GPBP1: variants seen among roughly 807,000 people sequenced by gnomAD.
GPBP1 encodes the protein vasculin.
GPBP1 carries 13 observed loss-of-function variants against 56.5 expected under a neutral mutation model. The ratio of observed to expected loss-of-function variants is 0.23; its 90% CI spans 0.15 to 0.37. GPBP1 has a LOEUF of 0.37. Among genes scored for constraint, GPBP1 ranks in the 10% least tolerant of loss-of-function variants. The pLI is 1.00. For missense variants in GPBP1, 477 were observed against 572.3 expected (o/e 0.83, Z 1.70); for synonymous variants, 204 against 188.9 (o/e 1.08, Z -0.66).
At chr5:57,177,713 C>T (rs902468906) in intron 2 of GPBP1, among the ~76,000 whole-genome samples, 1 of 128,874 alleles carries the variant, frequency 7.8e-6, no homozygotes, top group Non-Finnish European at 1.5e-5. Flanking sequence ...GTTGGTCAGG[C>T]TAGCCTCGAA....
chr5:57,247,402 A>G (rs1384114154), intron 8 of GPBP1, among the ~76,000 whole-genome samples, 187 bp downstream of exon 8: 3 of 152,206 alleles, frequency 2.0e-5, no homozygotes, highest in Non-Finnish European at 4.4e-5. Flanking sequence ...CATTTAAAAT[A>G]TTTTAAATGA....
intron 2 of GPBP1, among the ~76,000 whole-genome samples, chr5:57,177,942 TAG>T (rs1234353962): frequency 6.6e-6 from 1 of 152,080 alleles, no homozygotes; most frequent in East Asian, 1.9e-4. Flanking sequence ...AAATGTAAAA[TAG>T]AGTTTTTTTT....
chr5:57,176,110 A>G lies in GPBP1; in HGVS notation c.-348A>G, dbSNP rs1753780320. On this transcript the variant is annotated 5_prime_UTR_variant, in exon 2 of 12. Transcript: ENST00000506184. ...TTTTGCTTTTTGGCTCGTAAATTGGATATTTCATCTGGAGTGGACAAGTAC... is the reference window on the plus strand; with the variant it reads ...TTTTGCTTTTTGGCTCGTAAATTGGGTATTTCATCTGGAGTGGACAAGTAC... The G allele has an allele frequency of 1.5e-5, 6 of 397,972 alleles. No homozygotes were observed. Among genetic ancestry groups the G allele is most frequent in the Non-Finnish European group, 8.9e-6 (2 of 225,778 alleles). 24.7% of individuals were successfully genotyped at this position (397,972 alleles called of 1,614,324 possible). A position where few individuals can be genotyped will look rare whatever the true frequency, so the allele number is the denominator to read the frequency against.
intron 2 of GPBP1, among the ~76,000 whole-genome samples, chr5:57,211,442 C>T (rs1755472490): frequency 6.6e-6 from 1 of 152,356 alleles, no homozygotes; most frequent in East Asian, 1.9e-4. Context: ...TCCCACTTCA[C>T]TTCCCAGAGT....
chr5:57,261,429 G>A (rs997547408), intron 11 of GPBP1, 147 bp downstream of exon 11: 9 of 573,882 alleles, frequency 1.6e-5, no homozygotes, highest in Non-Finnish European at 2.5e-5. Context: ...GGGAGGACAG[G>A]CTTTTGCTAT....
At chr5:57,178,799 G>A (rs957992694) in intron 2 of GPBP1, among the ~76,000 whole-genome samples, 1 of 152,164 alleles carries the variant, frequency 6.6e-6, no homozygotes, top group African/African-American at 2.4e-5. Context: ...ACTATTGCTG[G>A]ACGCTGCTTT....
At chr5:57,198,817 A>C (rs1378407045) in intron 2 of GPBP1, among the ~76,000 whole-genome samples, 1 of 152,122 alleles carries the variant, frequency 6.6e-6, no homozygotes, top group Admixed American at 6.6e-5. Flanking sequence ...ACTGTCTCAA[A>C]TATTTATTAG....
Position 57,234,882 on chromosome 5 carries a change from A to G in GPBP1, c.412-1084A>G, listed in dbSNP as rs145878435. Among the ~76,000 whole-genome samples, 19 of 152,296 alleles carry G rather than the reference A, an allele frequency of 1.2e-4. No individual in the cohort carries two copies. The East Asian group carries it at 2.1e-3, about 17-fold the overall frequency. ...CACAATTTGAGTGAATCTTCCTATA[A>G]CCCATGCTGTCAACACAGATTATAG... is the stretch of plus-strand genomic sequence containing the variant. On this transcript the variant is annotated intron_variant, in intron 5 of 11. Transcript: ENST00000506184.
chr5:57,182,963 A>G (rs1427325067), intron 2 of GPBP1, among the ~76,000 whole-genome samples: 1 of 152,222 alleles, frequency 6.6e-6, no homozygotes, highest in African/African-American at 2.4e-5. Flanking sequence ...GATTACAGGC[A>G]TGAGCCACTG....
intron 3 of GPBP1, among the ~76,000 whole-genome samples, chr5:57,228,108 T>A (rs1756275599): frequency 1.3e-5 from 2 of 152,220 alleles, no homozygotes; most frequent in African/African-American, 4.8e-5. Context: ...CCCTGTTTAA[T>A]TACTTCTTTA....
intron 7 of GPBP1, among the ~76,000 whole-genome samples, chr5:57,246,838 A>G (rs536919331): frequency 2.0e-5 from 3 of 152,188 alleles, no homozygotes; most frequent in Non-Finnish European, 4.4e-5. Context: ...AAGAAACCCA[A>G]CTTTATGTAG....
intron 6 of GPBP1, among the ~76,000 whole-genome samples, chr5:57,236,443 A>G (rs892614322): frequency 7.9e-5 from 12 of 152,034 alleles, no homozygotes; most frequent in African/African-American, 2.4e-4. Context: ...ATTTTTACCT[A>G]TGAAAGTGGT....
chr5:57,189,891 C>T (rs370513474), intron 2 of GPBP1, among the ~76,000 whole-genome samples: 23 of 152,264 alleles, frequency 1.5e-4, no homozygotes, highest in African/African-American at 5.5e-4. Flanking sequence ...CCCTTGTCAG[C>T]TCAATTTTAG....
chr5:57,259,944 C>T (rs928044055), intron 10 of GPBP1, among the ~76,000 whole-genome samples: 2 of 152,164 alleles, frequency 1.3e-5, no homozygotes, highest in Non-Finnish European at 2.9e-5. Flanking sequence ...GAGTGGATCC[C>T]TTCCACTTCT....
intron 3 of GPBP1, among the ~76,000 whole-genome samples, chr5:57,226,485 A>G (rs1756194327): frequency 6.6e-6 from 1 of 151,970 alleles, no homozygotes; most frequent in Non-Finnish European, 1.5e-5. Context: ...AAATTCAGCC[A>G]AGAATGTATA....
intron 2 of GPBP1, among the ~76,000 whole-genome samples, chr5:57,191,080 T>C (rs1158360067): frequency 2.6e-5 from 4 of 151,748 alleles, no homozygotes; most frequent in African/African-American, 4.8e-5. Flanking sequence ...CTGGCTCCTC[T>C]TAGCTGTTTT....
intron 2 of GPBP1, among the ~76,000 whole-genome samples, chr5:57,211,231 C>T (rs560669912): frequency 1.3e-5 from 2 of 151,672 alleles, no homozygotes; most frequent in Non-Finnish European, 2.9e-5. Flanking sequence ...TCTCTGTCAC[C>T]TGGGCTGGAG....
In GPBP1 at chr5:57,198,646, C is replaced by T. The variant is rs1422962118; in HGVS notation, c.-57-15428C>T. Reference sequence around the variant, plus strand: ...GGCGGATTGCTTGAGGTCAAGAGTTCGAGACGAGCCTGGCCAACATGGTAC... The same window carrying T: ...GGCGGATTGCTTGAGGTCAAGAGTTTGAGACGAGCCTGGCCAACATGGTAC... On this transcript the variant is annotated intron_variant, in intron 2 of 11. Transcript: ENST00000506184. 3.3e-5 allele frequency among the ~76,000 whole-genome samples: 5 copies of T among 151,710 alleles called. No homozygotes were observed. The South Asian group carries it at 6.2e-4, about 19-fold the overall frequency.
At chr5:57,248,636 G>A (rs951447575) in intron 8 of GPBP1, among the ~76,000 whole-genome samples, 10 of 151,892 alleles carry the variant, frequency 6.6e-5, no homozygotes, top group South Asian at 6.2e-4. Context: ...GGGTTTCACC[G>A]TTTTAGCCGG....
Sources: gnomAD v4.1 joint callset for allele counts (sites outside exome capture counted in the v4.1 genomes callset) on GRCh38, gnomAD v4.1.1 for gene constraint, MANE v1.5 for transcripts, NCBI Gene and HGNC (gene_info 2026-07-23, HGNC 2026-07-21) for gene names.